STOX2: variants seen among roughly 807,000 people sequenced by gnomAD.
The protein encoded by STOX2 is storkhead-box protein 2.
STOX2 carries 28 observed loss-of-function variants against 60.9 expected under a neutral mutation model. The ratio of observed to expected loss-of-function variants is 0.46; its 90% confidence interval spans 0.34 to 0.63. The LOEUF (loss-of-function observed/expected upper bound fraction) is 0.63, where lower values mean the gene tolerates loss of function less well. STOX2 is among the 30% of genes least tolerant of loss of function. The probability of loss-of-function intolerance (pLI) is 0.01; values close to 1 mark genes in which losing one functional copy is unlikely to be tolerated. For synonymous variants in STOX2, 472 were observed against 463.9 expected (o/e 1.02, Z -0.22); for missense variants, 1,024 against 1,187.7 (o/e 0.86, Z 2.03).
chr4:183,914,340 A>G (rs930091418), intron 1 of STOX2, among the ~76,000 whole-genome samples: 3 of 152,208 alleles, frequency 2.0e-5, no homozygotes, highest in Non-Finnish European at 4.4e-5. Flanking sequence ...CGGGAGGCTG[A>G]GCGGAAGGAT....
rs1408193256 is a variant in STOX2 at position 183,821,571 on chromosome 4, T to C, written c.364+23516T>C. ...CTCCCCATCTTGCTGTGTCCTTTGT[T>C]CTGATGTCACTGGGGTTGGGCCTGA... On this transcript the variant is annotated intron_variant, in intron 1 of 2. Transcript: ENST00000513034. The surrounding 1 kb of genome is among the most constrained non-coding windows in gnomAD (Gnocchi z 4.2). 6.6e-6 allele frequency among the ~76,000 whole-genome samples: 1 copy of C among 152,236 alleles called. No homozygotes were observed. The highest frequency in any genetic ancestry group is 1.5e-5 in the Non-Finnish European group (1 of 68,028).
At position 183,925,220 on chromosome 4, in the gene STOX2, A is replaced by G. The variant is rs368751021; in HGVS notation, c.166+18264A>G. ...GAGAAGGTGAAAGCACAGGTTTGGT[A>G]TGTGATACTCCTTAATCTTCTGAAT... On this transcript the variant is annotated intron_variant, in intron 1 of 3. Coordinates refer to ENST00000308497, the MANE Select transcript of STOX2 (RefSeq NM_020225.3). 3.2e-4 allele frequency among the ~76,000 whole-genome samples: 49 copies of G among 152,330 alleles called. 1 individual carries two copies. The South Asian group carries it at 9.7e-3, about 30-fold the overall frequency.
intron 2 of STOX2, among the ~76,000 whole-genome samples, chr4:184,004,617 A>C (rs550915238): frequency 2.6e-4 from 40 of 152,310 alleles, no homozygotes; most frequent in African/African-American, 6.5e-4. Context: ...AAAACAAAAA[A>C]AAAATTCCGA....
chr4:183,883,960 T>G (rs2111175289), intron 1 of STOX2, among the ~76,000 whole-genome samples: 1 of 151,952 alleles, frequency 6.6e-6, no homozygotes, highest in Admixed American at 6.5e-5. Context: ...CAAGTGATTC[T>G]CCCTCCCTCA....
At chr4:183,852,759 A>G (rs1251772856) in intron 1 of STOX2, among the ~76,000 whole-genome samples, 3 of 152,242 alleles carry the variant, frequency 2.0e-5, no homozygotes, top group African/African-American at 7.2e-5. Context: ...AACCTATTTA[A>G]TAAAACGAAT....
At chr4:183,868,827 T>C (rs950375241) in intron 1 of STOX2, among the ~76,000 whole-genome samples, 6 of 152,206 alleles carry the variant, frequency 3.9e-5, no homozygotes, top group African/African-American at 7.2e-5. Context: ...TTATTAAAAG[T>C]AAACCCTTCT....
At chr4:183,995,513 A>C (rs1733299450) in intron 1 of STOX2, among the ~76,000 whole-genome samples, 1 of 152,090 alleles carries the variant, frequency 6.6e-6, no homozygotes, top group South Asian at 2.1e-4. Context: ...TTAAATAGTG[A>C]AAATGGATGC....
At chr4:183,857,316 T>TC (rs1740313791) in intron 1 of STOX2, among the ~76,000 whole-genome samples, 5 of 127,430 alleles carry the variant, frequency 3.9e-5, no homozygotes, top group African/African-American at 1.1e-4. Flanking sequence ...CTGGTTATCC[T>TC]GCAGTACTGG....
At chr4:183,801,062 C>T (rs1738753636) in intron 1 of STOX2, among the ~76,000 whole-genome samples, 1 of 152,156 alleles carries the variant, frequency 6.6e-6, no homozygotes. Flanking sequence ...CATTTTGGTG[C>T]CTGTAATTCC....
intron 1 of STOX2, among the ~76,000 whole-genome samples, chr4:183,997,385 G>A (rs1214585027): frequency 2.6e-5 from 4 of 152,202 alleles, no homozygotes; most frequent in Non-Finnish European, 4.4e-5. Context: ...AGGTGGGAGT[G>A]GTCCTAGCAT....
chr4:183,880,949 C>A (rs949554962), intron 1 of STOX2, among the ~76,000 whole-genome samples: 19 of 152,042 alleles, frequency 1.2e-4, no homozygotes, highest in Admixed American at 1.2e-3. Flanking sequence ...AAAATTTAGA[C>A]CATTGTGTGA....
In STOX2 at chr4:184,009,101, G is replaced by A. The variant is rs1734014679; in HGVS notation, c.320-57G>A. On this transcript the variant is annotated intron_variant, in intron 2 of 3. Coordinates refer to ENST00000308497, the MANE Select transcript of STOX2 (RefSeq NM_020225.3). This position sits in a 1 kb window ranked among gnomAD's most constrained non-coding sequence, Gnocchi z 4.0. ...CGAATGAATAGGATCCTGGAAATCAGGAATCCACATGTTCTGTCTTCATTC... is the reference window on the plus strand; with the variant it reads ...CGAATGAATAGGATCCTGGAAATCAAGAATCCACATGTTCTGTCTTCATTC... 2.3e-6 allele frequency: 3 copies of A among 1,297,428 alleles called. No individual in the cohort carries two copies. Among genetic ancestry groups the A allele is most frequent in the Admixed American group, 5.6e-5 (2 of 35,734 alleles). The allele number at this position is 1,297,428 out of a possible 1,614,324, so 80.4% of individuals were successfully genotyped here.
In STOX2 at chr4:183,819,371, C is replaced by T. The variant is rs554165972; in HGVS notation, c.364+21316C>T. Among the ~76,000 whole-genome samples, 604 of 151,982 alleles carry T rather than the reference C, an allele frequency of 4.0e-3. 2 individuals carry two copies. Among genetic ancestry groups the T allele is most frequent in the African/African-American group, 0.014 (582 of 41,416 alleles). ...CAGCCCGGCCAACACAGCGAAACCC[C>T]GTCTCCACCAAAAAAATACGAAAAC... On this transcript the variant is annotated intron_variant, in intron 1 of 2. Transcript: ENST00000513034.
At chr4:183,833,939 G>A (rs375111225) in intron 1 of STOX2, among the ~76,000 whole-genome samples, 3 of 133,596 alleles carry the variant, frequency 2.2e-5, no homozygotes, top group East Asian at 2.1e-4. Flanking sequence ...CCGAGATCCC[G>A]CCACTGCACT....
intron 1 of STOX2, among the ~76,000 whole-genome samples, chr4:183,919,352 C>T (rs941073918): frequency 2.1e-4 from 32 of 152,246 alleles, no homozygotes; most frequent in African/African-American, 7.0e-4. Context: ...CAGGGCAGCG[C>T]GGTGGAGTGT....
intron 1 of STOX2, among the ~76,000 whole-genome samples, chr4:183,962,425 T>C (rs1027939835): frequency 1.3e-5 from 2 of 152,192 alleles, no homozygotes; most frequent in African/African-American, 2.4e-5. Context: ...ATTAAGTCAT[T>C]TTAAAGCATC....
At chr4:183,812,858 A>T (rs17294853) in intron 1 of STOX2, among the ~76,000 whole-genome samples, 4 of 152,112 alleles carry the variant, frequency 2.6e-5, no homozygotes, top group African/African-American at 7.2e-5. Context: ...CCAAGTATGT[A>T]GGTCATTGTG....
intron 1 of STOX2, among the ~76,000 whole-genome samples, chr4:183,998,734 G>T (rs539024230): frequency 8.5e-5 from 13 of 152,264 alleles, no homozygotes; most frequent in Admixed American, 4.6e-4. Context: ...TAGAGATGGG[G>T]TCTCATCATG....
intron 1 of STOX2, among the ~76,000 whole-genome samples, chr4:183,858,318 C>T (rs552664599): frequency 1.3e-5 from 2 of 152,364 alleles, no homozygotes; most frequent in Admixed American, 6.5e-5. Context: ...CCGCCCTGTG[C>T]GGGCTGCAAG....
Sources: allele counts gnomAD v4.1 joint callset (sites outside exome capture counted in the v4.1 genomes callset), GRCh38; gene constraint gnomAD v4.1.1; non-coding constraint Gnocchi (gnomAD v3.1); transcripts MANE v1.5; gene names NCBI Gene and HGNC (gene_info 2026-07-23, HGNC 2026-07-21).